DCDC2C: variants seen among roughly 807,000 people sequenced by gnomAD.
DCDC2C encodes doublecortin domain-containing protein 2C.
Under a neutral mutation model 45.0 loss-of-function variants are expected in DCDC2C, and 44 were observed. The observed-to-expected ratio is 0.98, with a 90% CI of 0.77 to 1.26. DCDC2C has a LOEUF of 1.26. Among genes scored for constraint, DCDC2C ranks in the 50% most tolerant of loss-of-function variants. The pLI is 0.00. For synonymous variants in DCDC2C, 187 were observed against 178.8 expected, an observed-to-expected ratio of 1.05 and a Z score of -0.37; for missense variants, 447 against 468.9, an observed-to-expected ratio of 0.95 and a Z score of 0.43.
At chr2:3,721,492 A>G (rs955955112) in intron 2 of DCDC2C, among the ~76,000 whole-genome samples, 2 of 152,132 alleles carry the variant, frequency 1.3e-5, no homozygotes, top group Non-Finnish European at 2.9e-5. Context: ...CATGGAGGGT[A>G]TGTTCATGGA....
chr2:3,841,790 C>T (rs1672220938), intron 10 of DCDC2C, among the ~76,000 whole-genome samples: 1 of 152,174 alleles, frequency 6.6e-6, no homozygotes, highest in Admixed American at 6.5e-5. Context: ...CACTCAACCC[C>T]TGCCTTTTGC....
At chr2:3,840,728 G>A (rs1672191389) in intron 10 of DCDC2C, among the ~76,000 whole-genome samples, 1 of 152,198 alleles carries the variant, frequency 6.6e-6, no homozygotes, top group African/African-American at 2.4e-5. Context: ...GAGTAAAAAA[G>A]TGGTTCTGTT....
chr2:3,721,081 A>T (rs1668487969), intron 2 of DCDC2C, among the ~76,000 whole-genome samples: 1 of 151,522 alleles, frequency 6.6e-6, no homozygotes, highest in Admixed American at 6.6e-5. Flanking sequence ...ATATCTGTAG[A>T]CTCAAGTGAT....
intron 2 of DCDC2C, among the ~76,000 whole-genome samples, chr2:3,723,585 G>A (rs775603131): frequency 6.6e-5 from 10 of 152,162 alleles, no homozygotes; most frequent in Non-Finnish European, 1.2e-4. Context: ...AGTGTGAGGG[G>A]TAGGTAGAGT....
At chr2:3,751,468 G>A (rs1230156438) in intron 4 of DCDC2C, among the ~76,000 whole-genome samples, 1 of 152,204 alleles carries the variant, frequency 6.6e-6, no homozygotes, top group Non-Finnish European at 1.5e-5. Context: ...GACGCCTCCA[G>A]GGTCGGTCTC....
chr2:3,738,202 A>T (rs985228069), intron 3 of DCDC2C, among the ~76,000 whole-genome samples: 7 of 152,260 alleles, frequency 4.6e-5, no homozygotes, highest in African/African-American at 7.2e-5. Flanking sequence ...AATTCAGTGC[A>T]CCATTGACAG....
chr2:3,830,983 C>A (rs1051871405), intron 10 of DCDC2C, among the ~76,000 whole-genome samples: 1 of 152,058 alleles, frequency 6.6e-6, no homozygotes, highest in Non-Finnish European at 1.5e-5. Context: ...ATAATTTCAG[C>A]CTGATAAAAT....
chr2:3,733,852 A>AATC (rs1668944414), intron 3 of DCDC2C, among the ~76,000 whole-genome samples: 1 of 152,170 alleles, frequency 6.6e-6, no homozygotes, highest in Non-Finnish European at 1.5e-5. Context: ...GCAGAGGTTG[A>AATC]ATCATCCCAC....
chr2:3,751,622 T>C (rs950669111), intron 4 of DCDC2C, among the ~76,000 whole-genome samples: 2 of 152,174 alleles, frequency 1.3e-5, no homozygotes, highest in African/African-American at 4.8e-5. Flanking sequence ...GCTGACCCTC[T>C]GGGCAGCTCT....
chr2:3,725,268 T>G (rs557854058), intron 2 of DCDC2C, among the ~76,000 whole-genome samples: 208 of 152,240 alleles, frequency 1.4e-3, no homozygotes, highest in Non-Finnish European at 2.4e-3. Flanking sequence ...AAGGGCAGTG[T>G]ACATGTGCCC....
At chr2:3,723,615 G>A (rs1668554773) in intron 2 of DCDC2C, among the ~76,000 whole-genome samples, 1 of 152,110 alleles carries the variant, frequency 6.6e-6, no homozygotes, top group African/African-American at 2.4e-5. Flanking sequence ...CCTTACTGAG[G>A]GACATCACAC....
chr2:3,766,711 G>A (rs1253618008), intron 6 of DCDC2C, among the ~76,000 whole-genome samples: 1 of 152,090 alleles, frequency 6.6e-6, no homozygotes, highest in East Asian at 1.9e-4. Context: ...GACATAGAGA[G>A]CTCGAGAGAA....
intron 3 of DCDC2C, among the ~76,000 whole-genome samples, chr2:3,729,897 T>G (rs1668811871): frequency 6.6e-6 from 1 of 152,162 alleles, no homozygotes. Context: ...TGGTTGTATC[T>G]CAGCGCAGGA....
At chr2:3,727,148 C>T in intron 3 of DCDC2C, 69 bp downstream of exon 3, 1 of 1,291,206 alleles carries the variant, frequency 7.7e-7, no homozygotes, top group East Asian at 2.6e-5. Context: ...ACTTTCTATC[C>T]TGACAAATGC....
intron 2 of DCDC2C, among the ~76,000 whole-genome samples, chr2:3,725,622 C>CCCAGAGGAAGACGAG (rs1668639445): frequency 8.1e-6 from 1 of 124,168 alleles, no homozygotes; most frequent in Non-Finnish European, 1.7e-5. Context: ...AGGGAGACCG[C>CCCAGAGGAAGACGAG]CAGAGTGACG....
chr2:3,775,989 G>T (rs1014498778), intron 8 of DCDC2C, among the ~76,000 whole-genome samples: 2 of 151,928 alleles, frequency 1.3e-5, no homozygotes, highest in African/African-American at 4.8e-5. Context: ...GGCAGCTGTG[G>T]CTGTGGGCTA....
intron 3 of DCDC2C, among the ~76,000 whole-genome samples, chr2:3,738,174 AT>A (rs1278868608): frequency 6.6e-6 from 1 of 152,236 alleles, no homozygotes; most frequent in Non-Finnish European, 1.5e-5. Flanking sequence ...AATTTGGTAA[AT>A]TTGGTAAGAA....
chr2:3,750,780 T>G (rs1669521861), intron 4 of DCDC2C, among the ~76,000 whole-genome samples: 1 of 152,210 alleles, frequency 6.6e-6, no homozygotes, highest in East Asian at 1.9e-4. Flanking sequence ...TCCAGGAAAT[T>G]AATTTTCATG....
At chr2:3,801,358 C>T (rs1270221805) in intron 10 of DCDC2C, among the ~76,000 whole-genome samples, 1 of 152,208 alleles carries the variant, frequency 6.6e-6, no homozygotes, top group African/African-American at 2.4e-5. Context: ...TGACAGCACC[C>T]TGAAGGGCTG....
Sources: allele counts gnomAD v4.1 joint callset (sites outside exome capture counted in the v4.1 genomes callset), GRCh38; gene constraint gnomAD v4.1.1; transcripts MANE v1.5; gene names NCBI Gene and HGNC (gene_info 2026-07-23, HGNC 2026-07-21).